RAPGEF5: variants seen among roughly 807,000 people sequenced by gnomAD.
The protein encoded by RAPGEF5 is Rap guanine nucleotide exchange factor 5, also known as M-Ras-regulated GEF.
Under a neutral mutation model 125.2 loss-of-function variants are expected in RAPGEF5, and 65 were observed. The observed-to-expected ratio is 0.52, with a 90% confidence interval of 0.43 to 0.64. RAPGEF5 has a LOEUF of 0.64. Among genes scored for constraint, RAPGEF5 ranks in the 30% least tolerant of loss-of-function variants. The pLI is 0.00. For synonymous variants in RAPGEF5, 391 were observed against 385.9 expected, an observed-to-expected ratio of 1.01 and a Z score of -0.16; for missense variants, 958 against 1,048.1, an observed-to-expected ratio of 0.91 and a Z score of 1.19.
At chr7:22,270,588 A>G (rs1372668238) in intron 6 of RAPGEF5, among the ~76,000 whole-genome samples, 2 of 152,240 alleles carry the variant, frequency 1.3e-5, no homozygotes, top group Non-Finnish European at 2.9e-5. Context: ...ATGAGGATAC[A>G]AAACCACTGC....
chr7:22,167,354 A>G (rs968896567), intron 11 of RAPGEF5, among the ~76,000 whole-genome samples: 5 of 152,204 alleles, frequency 3.3e-5, no homozygotes, highest in Non-Finnish European at 5.9e-5. Flanking sequence ...TGCCTCAAGC[A>G]ATAAGATATT....
At chr7:22,334,090 C>G (rs1448100016) in intron 1 of RAPGEF5, among the ~76,000 whole-genome samples, 1 of 152,242 alleles carries the variant, frequency 6.6e-6, no homozygotes, top group Non-Finnish European at 1.5e-5. Context: ...CTGCCTACAG[C>G]GCCCCGAGTG....
intron 5 of RAPGEF5, among the ~76,000 whole-genome samples, chr7:22,301,070 C>T (rs1056979021): frequency 3.3e-5 from 5 of 151,648 alleles, no homozygotes; most frequent in Admixed American, 2.0e-4. Context: ...AGTTTCACTT[C>T]GTTCCATAAT....
chr7:22,281,377 A>G (rs920661173), intron 6 of RAPGEF5, among the ~76,000 whole-genome samples: 2 of 151,984 alleles, frequency 1.3e-5, no homozygotes, highest in African/African-American at 2.4e-5. Flanking sequence ...TCATCGAGCT[A>G]ATTTCTGTAT....
intron 6 of RAPGEF5, among the ~76,000 whole-genome samples, chr7:22,270,397 T>C (rs111627828): frequency 5.7e-4 from 87 of 152,348 alleles, no homozygotes; most frequent in African/African-American, 2.0e-3. Flanking sequence ...CTGGAGTCAT[T>C]TGTTATGCTG....
chr7:22,179,591 G>A (rs1784611690), intron 11 of RAPGEF5, among the ~76,000 whole-genome samples: 1 of 152,116 alleles, frequency 6.6e-6, no homozygotes, highest in Non-Finnish European at 1.5e-5. Flanking sequence ...GAAGGTTAAG[G>A]CATCCTAAAC....
chr7:22,229,270 T>C (rs980840138), intron 8 of RAPGEF5, among the ~76,000 whole-genome samples: 11 of 152,204 alleles, frequency 7.2e-5, no homozygotes, highest in Non-Finnish European at 1.2e-4. Flanking sequence ...CTCTGGTAGA[T>C]GGGAAGCCTG....
intron 1 of RAPGEF5, among the ~76,000 whole-genome samples, chr7:22,353,386 T>C (rs1375219629): frequency 6.6e-6 from 1 of 152,226 alleles, no homozygotes; most frequent in African/African-American, 2.4e-5. Context: ...ATTATTAATA[T>C]TTTAGGTGTG....
intron 1 of RAPGEF5, among the ~76,000 whole-genome samples, chr7:22,332,341 A>C (rs1226346098): frequency 2.6e-5 from 4 of 152,238 alleles, no homozygotes; most frequent in Admixed American, 2.6e-4. Context: ...TGGCAACCTT[A>C]GAAAGGTAAT....
chr7:22,228,842 AAAG>A (rs1374698873), intron 8 of RAPGEF5, among the ~76,000 whole-genome samples: 1 of 152,006 alleles, frequency 6.6e-6, no homozygotes, highest in Admixed American at 6.6e-5. Context: ...CCAGTCAGGA[AAAG>A]AATCCAGGCA....
At chr7:22,271,262 C>T (rs1018357883) in intron 6 of RAPGEF5, among the ~76,000 whole-genome samples, 2 of 152,086 alleles carry the variant, frequency 1.3e-5, no homozygotes, top group African/African-American at 4.8e-5. Context: ...TTGTTGTTTC[C>T]AAGATTCCTA....
chr7:22,249,578 T>C (rs1180696998), intron 7 of RAPGEF5, among the ~76,000 whole-genome samples: 1 of 152,220 alleles, frequency 6.6e-6, no homozygotes, highest in Non-Finnish European at 1.5e-5. Context: ...TATTTGCTTA[T>C]TCCTGACTCT....
At chr7:22,155,419 G>A (rs891819436) in intron 16 of RAPGEF5, among the ~76,000 whole-genome samples, 12 of 152,286 alleles carry the variant, frequency 7.9e-5, no homozygotes, top group Admixed American at 7.2e-4. Flanking sequence ...TGTATAAAAT[G>A]CACTAGCTTC....
intron 9 of RAPGEF5, among the ~76,000 whole-genome samples, chr7:22,213,608 A>G (rs2128131117): frequency 6.6e-6 from 1 of 152,336 alleles, no homozygotes; most frequent in Admixed American, 6.5e-5. Context: ...CCTAATTCCA[A>G]TGGAAAGATA....
chr7:22,141,941 C>G (rs1249426314), intron 20 of RAPGEF5, among the ~76,000 whole-genome samples: 1 of 152,246 alleles, frequency 6.6e-6, no homozygotes, highest in African/African-American at 2.4e-5. Context: ...CACTGCCTTT[C>G]ACATGGTGAC....
intron 11 of RAPGEF5, among the ~76,000 whole-genome samples, chr7:22,184,717 C>A (rs1430087903): frequency 6.6e-6 from 1 of 152,176 alleles, no homozygotes; most frequent in East Asian, 1.9e-4. Context: ...TCATTAACAA[C>A]AAGGGTATTA....
At chr7:22,196,278 G>A (rs1260057585) in intron 9 of RAPGEF5, among the ~76,000 whole-genome samples, 1 of 152,180 alleles carries the variant, frequency 6.6e-6, no homozygotes, top group Non-Finnish European at 1.5e-5. Context: ...ACCCCTGCAT[G>A]CTTAACTAAT....
At chr7:22,202,500 A>C (rs931023123) in intron 9 of RAPGEF5, among the ~76,000 whole-genome samples, 1 of 152,180 alleles carries the variant, frequency 6.6e-6, no homozygotes, top group African/African-American at 2.4e-5. Context: ...ACTTTTAGGC[A>C]CTAAAAAAGA....
At chr7:22,331,262 T>C (rs1783911036) in intron 1 of RAPGEF5, among the ~76,000 whole-genome samples, 1 of 152,226 alleles carries the variant, frequency 6.6e-6, no homozygotes, top group Non-Finnish European at 1.5e-5. Flanking sequence ...AAGCAGTTCC[T>C]AAGCTGGACT....
Sources: allele counts gnomAD v4.1 joint callset (sites outside exome capture counted in the v4.1 genomes callset), GRCh38; gene constraint gnomAD v4.1.1; transcripts MANE v1.5; gene names NCBI Gene and HGNC (gene_info 2026-07-23, HGNC 2026-07-21).